GCNT2: variants seen among roughly 807,000 people sequenced by gnomAD.
GCNT2 encodes N-acetyllactosaminide beta-1,6-N-acetylglucosaminyl-transferase.
In GCNT2, 34 loss-of-function variants were observed where a neutral mutation model predicts 34.2. The observed-to-expected ratio is 1.00, with a 90% CI of 0.76 to 1.32. The LOEUF (loss-of-function observed/expected upper bound fraction) is 1.32. Among genes scored for constraint, GCNT2 ranks in the 40% most tolerant of loss-of-function variants. The probability of loss-of-function intolerance (pLI) is 0.00; values close to 1 mark genes in which losing one functional copy is unlikely to be tolerated. For missense variants in GCNT2, 584 were observed against 489.4 expected (o/e 1.19, Z -1.82); for synonymous variants, 212 against 188.0 (o/e 1.13, Z -1.04).
intron 3 of GCNT2, among the ~76,000 whole-genome samples, chr6:10,620,917 G>C (rs1375646023): frequency 6.6e-6 from 1 of 152,110 alleles, no homozygotes; most frequent in Non-Finnish European, 1.5e-5. Flanking sequence ...CATCTATTGG[G>C]TAGAGGCCAA....
chr6:10,573,734 T>C (rs1763659894), intron 3 of GCNT2, among the ~76,000 whole-genome samples: 1 of 152,246 alleles, frequency 6.6e-6, no homozygotes, highest in Non-Finnish European at 1.5e-5. Flanking sequence ...GTTAGCTTTT[T>C]GCAGGTGCAC....
chr6:10,529,160 T>G lies in GCNT2; in HGVS notation c.249T>G (p.Tyr83Ter). 1 of 1,614,186 alleles carries G rather than the reference T, an allele frequency of 6.2e-7. No individual in the cohort carries two copies. Among genetic ancestry groups the G allele is most frequent in the Non-Finnish European group, 8.5e-7 (1 of 1,180,008 alleles). The change falls in exon 3 of 5, where the codon TAT becomes TAG. Residue 83 changes from tyrosine (Y) to a stop codon, truncating the protein, a stop_gained. Coordinates refer to ENST00000495262, the MANE Select transcript of GCNT2 (RefSeq NM_145649.5). LOFTEE classifies it high-confidence loss of function. Reference sequence around the variant, plus strand: ...ATGAGTACATGGTTCGAAGCCACTATGTAACAGAAACACTCTCTGAAGAAG... The same window carrying G: ...ATGAGTACATGGTTCGAAGCCACTAGGTAACAGAAACACTCTCTGAAGAAG... ...TCYEYMVRSHYVTETLSEEEA... is the reference protein window; with the variant it reads ...TCYEYMVRSH
intron 3 of GCNT2, among the ~76,000 whole-genome samples, chr6:10,533,895 AG>A (rs1761629762): frequency 1.3e-5 from 2 of 149,890 alleles, no homozygotes; most frequent in Non-Finnish European, 3.0e-5. Context: ...GACCACAGGC[AG>A]GGGAGGTGGA....
intron 3 of GCNT2, among the ~76,000 whole-genome samples, chr6:10,601,433 G>C (rs9460922): frequency 0.17 from 25,118 of 152,104 alleles, 5,025 homozygotes; most frequent in African/African-American, 0.48. Flanking sequence ...ACTCATAAAA[G>C]TTGCCATCAA....
intron 3 of GCNT2, among the ~76,000 whole-genome samples, chr6:10,595,529 G>A (rs934207935): frequency 1.3e-5 from 2 of 150,544 alleles, no homozygotes; most frequent in South Asian, 2.1e-4. Flanking sequence ...TGCCCATCTC[G>A]GCCTCCCAAA....
At chr6:10,537,816 A>G (rs1761843762) in intron 3 of GCNT2, among the ~76,000 whole-genome samples, 1 of 152,032 alleles carries the variant, frequency 6.6e-6, no homozygotes, top group African/African-American at 2.4e-5. Flanking sequence ...ACATGCTCAG[A>G]ACACTTACAT....
At chr6:10,524,609 TAAGA>T (rs952615649) in intron 1 of GCNT2, among the ~76,000 whole-genome samples, 2 of 151,978 alleles carry the variant, frequency 1.3e-5, no homozygotes, top group African/African-American at 4.8e-5. Flanking sequence ...AACACATAAA[TAAGA>T]AAGAGCAGGC....
At chr6:10,556,455 T>G (rs375215732) in intron 3 of GCNT2, 11 of 1,614,066 alleles carry the variant, frequency 6.8e-6, no homozygotes, top group African/African-American at 6.7e-5. Context: ...CTCTTCATAA[T>G]TTCTGTCTCT....
chr6:10,527,604 T>G lies in GCNT2; in HGVS notation c.-338T>G, dbSNP rs889551695. 2 of 152,122 alleles carry G rather than the reference T, an allele frequency of 1.3e-5. No individual in the cohort carries two copies. Among genetic ancestry groups the G allele is most frequent in the Admixed American group, 6.6e-5 (1 of 15,260 alleles). The allele number at this position is 152,122 out of a possible 1,614,324, so 9.4% of individuals were successfully genotyped here. ...TGACGTTTTAGATGTATAATCTGAT[T>G]GGCATGGACTCACAGAGGAGGGAGT... On this transcript the variant is annotated 5_prime_UTR_variant, in exon 2 of 5. It adds an upstream start codon to the 5' untranslated region. Coordinates refer to ENST00000495262, the MANE Select transcript of GCNT2 (RefSeq NM_145649.5).
intron 3 of GCNT2, among the ~76,000 whole-genome samples, chr6:10,587,139 T>G (rs925897745): frequency 6.6e-6 from 1 of 152,232 alleles, no homozygotes; most frequent in Non-Finnish European, 1.5e-5. Context: ...AAACTAACTT[T>G]GATTACATAG....
chr6:10,524,124 G>A (rs943305485), intron 1 of GCNT2, among the ~76,000 whole-genome samples: 7 of 151,970 alleles, frequency 4.6e-5, no homozygotes, highest in Admixed American at 6.6e-5. Flanking sequence ...TTCAACAAAC[G>A]GGTGTTGTTT....
At chr6:10,577,645 A>T (rs1444889956) in intron 3 of GCNT2, among the ~76,000 whole-genome samples, 1 of 152,032 alleles carries the variant, frequency 6.6e-6, no homozygotes, top group Non-Finnish European at 1.5e-5. Context: ...GGTTCAAGTG[A>T]TTCTCCTACC....
At chr6:10,569,045 T>A (rs1763409715) in intron 3 of GCNT2, among the ~76,000 whole-genome samples, 1 of 152,130 alleles carries the variant, frequency 6.6e-6, no homozygotes, top group Admixed American at 6.5e-5. Context: ...GCGACTAGAC[T>A]ATAATGTCTT....
chr6:10,522,725 G>A (rs1057228026), intron 1 of GCNT2, among the ~76,000 whole-genome samples: 2 of 152,112 alleles, frequency 1.3e-5, no homozygotes, highest in Admixed American at 6.5e-5. Flanking sequence ...TTTGGTTCCT[G>A]TAACTTCAAA....
At chr6:10,546,892 T>C (rs1018699685) in intron 3 of GCNT2, among the ~76,000 whole-genome samples, 2 of 152,314 alleles carry the variant, frequency 1.3e-5, no homozygotes, top group South Asian at 4.1e-4. Flanking sequence ...ACATTAATAA[T>C]ATGTTGGTAA....
intron 3 of GCNT2, among the ~76,000 whole-genome samples, chr6:10,559,175 T>C (rs1762855160): frequency 6.6e-6 from 1 of 151,478 alleles, no homozygotes; most frequent in Non-Finnish European, 1.5e-5. Flanking sequence ...CAATGTCAAA[T>C]AATATAAGAA....
At chr6:10,563,077 C>T (rs1290393579) in intron 3 of GCNT2, among the ~76,000 whole-genome samples, 1 of 152,100 alleles carries the variant, frequency 6.6e-6, no homozygotes, top group East Asian at 1.9e-4. Context: ...ATCACTTGAA[C>T]CCGGGAGGCA....
chr6:10,535,727 G>C (rs1358983265), intron 3 of GCNT2, among the ~76,000 whole-genome samples: 1 of 152,170 alleles, frequency 6.6e-6, no homozygotes, highest in Non-Finnish European at 1.5e-5. Flanking sequence ...AAATAGGAAT[G>C]AATGCAAAAA....
Position 10,563,764 on chromosome 6 carries a change from A to G in GCNT2, c.925+33928A>G, listed in dbSNP as rs868167830. Reference sequence around the variant, plus strand: ...CTCAAAAAAAGAAAAAAGAAAAAAAAAAAAAAAAAAAAAATATATATATAT... The same window carrying G: ...CTCAAAAAAAGAAAAAAGAAAAAAAGAAAAAAAAAAAAAATATATATATAT... On this transcript the variant is annotated intron_variant, in intron 3 of 4. Coordinates refer to ENST00000495262, the MANE Select transcript of GCNT2 (RefSeq NM_145649.5). Among the ~76,000 whole-genome samples, 234 of 55,334 alleles carry G rather than the reference A, an allele frequency of 4.2e-3. 4 individuals are homozygous for G. The highest frequency in any genetic ancestry group is 6.1e-3 in the Non-Finnish European group (173 of 28,588). 36.3% of individuals were successfully genotyped at this position (55,334 alleles called of 152,430 possible). A position where few individuals can be genotyped will look rare whatever the true frequency, so the allele number is the denominator to read the frequency against.
Sources: allele counts gnomAD v4.1 joint callset (sites outside exome capture counted in the v4.1 genomes callset), GRCh38; gene constraint gnomAD v4.1.1; transcripts MANE v1.5; gene names NCBI Gene and HGNC (gene_info 2026-07-23, HGNC 2026-07-21).